Variants in CALN1 observed in about 807,000 individuals in gnomAD.
The protein encoded by CALN1 is calcium-binding protein 8.
In CALN1, 17 loss-of-function variants were observed where a neutral mutation model predicts 30.6. The observed-to-expected ratio is 0.56, with a 90% CI of 0.38 to 0.83. The LOEUF (loss-of-function observed/expected upper bound fraction) is 0.83. Among genes scored for constraint, CALN1 ranks in the 40% least tolerant of loss-of-function variants. CALN1 has a pLI of 0.00. For missense variants in CALN1, 291 were observed against 354.9 expected, an observed-to-expected ratio of 0.82 and a Z score of 1.45; for synonymous variants, 156 against 131.4, an observed-to-expected ratio of 1.19 and a Z score of -1.28.
intron 4 of CALN1, among the ~76,000 whole-genome samples, chr7:72,092,238 G>T (rs1224589474): frequency 6.6e-6 from 1 of 152,026 alleles, no homozygotes; most frequent in Non-Finnish European, 1.5e-5. Context: ...CCAAGTGGGT[G>T]GGATTCTTAT....
chr7:72,271,554 G>T lies in CALN1; in HGVS notation c.244+7132C>A, dbSNP rs1247593245. Among the ~76,000 whole-genome samples, 4 of 38,464 alleles carry T rather than the reference G, an allele frequency of 1.0e-4. No homozygotes were observed. In the African/African-American group the frequency reaches 1.2e-3, roughly 11 times the overall value. 25.2% of individuals were successfully genotyped at this position (38,464 alleles called of 152,430 possible). On this transcript the variant is annotated intron_variant, in intron 3 of 6. Transcript: ENST00000395275. ...TAGGATTATAAGCATGAACCACTGT[G>T]CCTGCCTTTTAAAAAAAAAAAATAT...
chr7:71,810,688 A>C (rs989702248), intron 5 of CALN1, among the ~76,000 whole-genome samples, 196 bp from the exon 6 acceptor site: 2 of 152,018 alleles, frequency 1.3e-5, no homozygotes, highest in Non-Finnish European at 2.9e-5. Flanking sequence ...AATGATAGAG[A>C]GTGGAACATA....
intron 2 of CALN1, among the ~76,000 whole-genome samples, chr7:72,289,789 T>A (rs1798348206): frequency 6.6e-6 from 1 of 152,110 alleles, no homozygotes; most frequent in Non-Finnish European, 1.5e-5. Context: ...TCATATTCCA[T>A]TTTTAAGAAT....
intron 2 of CALN1, among the ~76,000 whole-genome samples, chr7:72,306,786 T>TA (rs577592314): frequency 1.3e-5 from 2 of 152,186 alleles, no homozygotes; most frequent in African/African-American, 4.8e-5. Context: ...CTAATATGTA[T>TA]AAAACTAAGC....
intron 3 of CALN1, among the ~76,000 whole-genome samples, chr7:72,109,585 C>T (rs1425051665): frequency 6.6e-6 from 1 of 152,218 alleles, no homozygotes; most frequent in Non-Finnish European, 1.5e-5. Context: ...ATGAAATATG[C>T]CCAAGGTTAC....
At chr7:71,923,498 A>G (rs1353054092) in intron 5 of CALN1, among the ~76,000 whole-genome samples, 1 of 152,208 alleles carries the variant, frequency 6.6e-6, no homozygotes, top group Non-Finnish European at 1.5e-5. Context: ...AGCAAGGTCC[A>G]GACAGGAGTC....
chr7:71,878,659 T>C (rs569265698), intron 5 of CALN1, among the ~76,000 whole-genome samples: 1 of 152,270 alleles, frequency 6.6e-6, no homozygotes, highest in South Asian at 2.1e-4. Context: ...TTGACCAATG[T>C]AGAGTGTGGG....
At chr7:72,325,815 C>A (rs745735669) in intron 2 of CALN1, among the ~76,000 whole-genome samples, 13 of 152,096 alleles carry the variant, frequency 8.5e-5, no homozygotes, top group Non-Finnish European at 1.5e-4. Flanking sequence ...TTGATGGCAA[C>A]CCACAAAACA....
intron 3 of CALN1, among the ~76,000 whole-genome samples, chr7:72,114,728 T>C (rs1263521771): frequency 4.6e-5 from 7 of 151,810 alleles, no homozygotes; most frequent in Non-Finnish European, 8.8e-5. Context: ...GCATGGCGGC[T>C]CATGCCTGTA....
intron 3 of CALN1, among the ~76,000 whole-genome samples, chr7:72,145,524 C>A (rs1024619751): frequency 2.0e-5 from 3 of 152,116 alleles, no homozygotes; most frequent in African/African-American, 7.2e-5. Context: ...AGATTCACAG[C>A]CGAATTCTAC....
chr7:72,185,943 G>C (rs1272123302), intron 3 of CALN1, among the ~76,000 whole-genome samples: 2 of 152,056 alleles, frequency 1.3e-5, no homozygotes, highest in Admixed American at 6.5e-5. Flanking sequence ...TCTCAGGTGT[G>C]TCTTTATCAG....
At chr7:71,929,812 C>T (rs570828844) in intron 5 of CALN1, among the ~76,000 whole-genome samples, 24 of 152,288 alleles carry the variant, frequency 1.6e-4, no homozygotes, top group African/African-American at 5.8e-4. Context: ...GGATGCCAGA[C>T]TGTCTTCCCA....
chr7:72,291,012 C>G (rs1336020551), intron 2 of CALN1, among the ~76,000 whole-genome samples: 1 of 151,706 alleles, frequency 6.6e-6, no homozygotes, highest in Non-Finnish European at 1.5e-5. Context: ...CAACCTCTGC[C>G]TCCCGGGTTC....
rs116151518 is a variant in CALN1, at chr7:72,014,547, T to C, written c.501+9110A>G. Among the ~76,000 whole-genome samples, 473 of 152,360 alleles carry C rather than the reference T, an allele frequency of 3.1e-3. 3 individuals carry two copies. Among genetic ancestry groups the C allele is most frequent in the African/African-American group, 0.01 (419 of 41,584 alleles). Reference sequence around the variant, plus strand: ...AATGTTTATTTCAAATGTCTATCAGTTGTCTATTGCTCTTTATCCCATTTA... The same window carrying C: ...AATGTTTATTTCAAATGTCTATCAGCTGTCTATTGCTCTTTATCCCATTTA... On this transcript the variant is annotated intron_variant, in intron 5 of 6. Transcript: ENST00000395275.
intron 5 of CALN1, among the ~76,000 whole-genome samples, chr7:71,847,692 GAGGAAGA>G (rs1790351907): frequency 8.8e-6 from 1 of 114,232 alleles, no homozygotes; most frequent in African/African-American, 4.2e-5. Context: ...AAAAAAAAAG[GAGGAAGA>G]AGAAAGAAGA....
intron 2 of CALN1, among the ~76,000 whole-genome samples, chr7:72,341,510 G>A (rs867663000): frequency 2.0e-5 from 3 of 151,222 alleles, no homozygotes; most frequent in Admixed American, 6.7e-5. Flanking sequence ...GCAACAGAGC[G>A]AGACTCAGTC....
At chr7:71,819,402 C>T (rs147765720) in intron 5 of CALN1, among the ~76,000 whole-genome samples, 2,066 of 152,004 alleles carry the variant, frequency 0.014, 19 homozygotes, top group Middle Eastern at 0.065. Context: ...GTTGGTTTCA[C>T]CATGTTGGCC....
At chr7:72,123,682 C>G (rs575851990) in intron 3 of CALN1, among the ~76,000 whole-genome samples, 57 of 152,260 alleles carry the variant, frequency 3.7e-4, no homozygotes, top group Admixed American at 1.0e-3. Context: ...ACCAGCACTC[C>G]CATTTGTTCT....
chr7:72,412,860 G>C (rs994986838), upstream of CALN1, among the ~76,000 whole-genome samples: 1 of 152,208 alleles, frequency 6.6e-6, no homozygotes, highest in Non-Finnish European at 1.5e-5. Context: ...ACCTCCAAAA[G>C]GAAGCACCCA....
Sources: gnomAD v4.1 joint callset for allele counts (sites outside exome capture counted in the v4.1 genomes callset) on GRCh38, gnomAD v4.1.1 for gene constraint, MANE v1.5 for transcripts, NCBI Gene and HGNC (gene_info 2026-07-23, HGNC 2026-07-21) for gene names.